Variants in FAM114A1 observed in about 807,000 individuals in gnomAD.
The protein encoded by FAM114A1 is protein NOXP20.
A neutral mutation model predicts 64.3 loss-of-function variants in FAM114A1; 62 were observed. The ratio of observed to expected loss-of-function variants is 0.96; its 90% CI spans 0.79 to 1.19. FAM114A1 has a LOEUF of 1.19. Ranked by LOEUF, FAM114A1 falls within the 50% of genes most tolerant of loss-of-function variation. The pLI is 0.00. For missense variants in FAM114A1, 645 were observed against 676.3 expected (o/e 0.95, Z 0.51); for synonymous variants, 254 against 251.1 (o/e 1.01, Z -0.11).
rs1720659465 is a variant in FAM114A1 at position 38,931,723 on chromosome 4, A to G, written c.1323+111A>G. On this transcript the variant is annotated intron_variant, in intron 11 of 14. Transcript: ENST00000358869. ...ATTTCTTTTTCATTTGTTCCGTGTTATAGAAATATAAGTTTGAGACCAGCC... is the reference window on the plus strand; with the variant it reads ...ATTTCTTTTTCATTTGTTCCGTGTTGTAGAAATATAAGTTTGAGACCAGCC... 19 of 1,196,872 alleles carry G rather than the reference A, an allele frequency of 1.6e-5. No individual in the cohort carries two copies. In the South Asian group the frequency reaches 3.4e-4, roughly 21 times the overall value. 74.1% of individuals were successfully genotyped at this position (1,196,872 alleles called of 1,614,324 possible).
chr4:38,883,346 T>C (rs1462515809), intron 3 of FAM114A1, among the ~76,000 whole-genome samples: 3 of 152,246 alleles, frequency 2.0e-5, no homozygotes, highest in Admixed American at 1.3e-4. Context: ...AAGATGTTTG[T>C]CTTGAGTACT....
chr4:38,924,179 C>G (rs933692289), intron 9 of FAM114A1, among the ~76,000 whole-genome samples: 2 of 152,080 alleles, frequency 1.3e-5, no homozygotes, highest in Non-Finnish European at 2.9e-5. Flanking sequence ...ATATCAGGTT[C>G]AAGAGCTGTT....
intron 9 of FAM114A1, among the ~76,000 whole-genome samples, chr4:38,925,123 C>T (rs544677593): frequency 1.3e-5 from 2 of 152,272 alleles, no homozygotes; most frequent in African/African-American, 4.8e-5. Flanking sequence ...CACATATACA[C>T]ATAGAAAAAC....
chr4:38,872,388 A>G (rs183449829), intron 2 of FAM114A1, among the ~76,000 whole-genome samples: 1 of 152,328 alleles, frequency 6.6e-6, no homozygotes, highest in East Asian at 1.9e-4. Context: ...AGGCATCCAT[A>G]ATGGTTTTTA....
intron 4 of FAM114A1, among the ~76,000 whole-genome samples, chr4:38,903,279 G>A (rs557455874): frequency 3.0e-4 from 45 of 152,248 alleles, no homozygotes; most frequent in African/African-American, 1.0e-3. Context: ...CTGAGATGGC[G>A]AGAAGCCATT....
intron 2 of FAM114A1, among the ~76,000 whole-genome samples, chr4:38,871,107 T>G (rs1426957281): frequency 1.2e-5 from 1 of 81,750 alleles, no homozygotes; most frequent in Non-Finnish European, 2.3e-5. Context: ...TTTTTTTTTT[T>G]GCGACAGGGT....
intron 8 of FAM114A1, 54 bp from the exon 9 acceptor site, chr4:38,922,716 C>T (rs1579383307): frequency 3.2e-6 from 5 of 1,573,452 alleles, no homozygotes; most frequent in Middle Eastern, 1.7e-4. Context: ...TGTGTGTAAA[C>T]GTTATTAACG....
intron 2 of FAM114A1, among the ~76,000 whole-genome samples, chr4:38,873,129 C>T (rs754188895): frequency 6.6e-6 from 1 of 152,190 alleles, no homozygotes; most frequent in African/African-American, 2.4e-5. Flanking sequence ...GAACCTGGCT[C>T]CTTGACAGCC....
intron 9 of FAM114A1, among the ~76,000 whole-genome samples, chr4:38,924,245 A>G (rs955127635): frequency 1.3e-5 from 2 of 152,348 alleles, no homozygotes; most frequent in Non-Finnish European, 2.9e-5. Context: ...TGCCTGGCAC[A>G]CAGAACTGCT....
At chr4:38,891,333 C>T (rs1413742277) in intron 3 of FAM114A1, among the ~76,000 whole-genome samples, 2 of 147,992 alleles carry the variant, frequency 1.4e-5, no homozygotes, top group African/African-American at 5.1e-5. Context: ...TAAAAGTTAA[C>T]TCTACCTTGA....
chr4:38,883,369 C>G (rs1215909456), intron 3 of FAM114A1, among the ~76,000 whole-genome samples: 2 of 152,166 alleles, frequency 1.3e-5, no homozygotes, highest in Non-Finnish European at 2.9e-5. Context: ...TTGGGAGTAA[C>G]ATTTGTTCCC....
chr4:38,931,668 T>C, intron 11 of FAM114A1, 56 bp downstream of exon 11: 1 of 1,501,744 alleles, frequency 6.7e-7, no homozygotes, highest in Non-Finnish European at 8.9e-7. Flanking sequence ...TTCATTTTAT[T>C]AGCAGCTTAA....
At chr4:38,918,045 C>T (rs112051965) in intron 8 of FAM114A1, among the ~76,000 whole-genome samples, 100 of 151,452 alleles carry the variant, frequency 6.6e-4, no homozygotes, top group African/African-American at 2.2e-3. Context: ...GATGAAACCC[C>T]GTCTCTACTA....
intron 8 of FAM114A1, among the ~76,000 whole-genome samples, chr4:38,919,959 A>G (rs1423722618): frequency 1.3e-5 from 2 of 152,260 alleles, no homozygotes; most frequent in East Asian, 3.8e-4. Flanking sequence ...CTGTAATCCC[A>G]GCACTTTGGG....
At chr4:38,886,911 G>C (rs1036161149) in intron 3 of FAM114A1, among the ~76,000 whole-genome samples, 1 of 145,938 alleles carries the variant, frequency 6.9e-6, no homozygotes, top group Non-Finnish European at 1.5e-5. Context: ...CTGGGAGACA[G>C]AGCGAGACTC....
chr4:38,871,034 C>T (rs1285788791), intron 2 of FAM114A1, among the ~76,000 whole-genome samples: 1 of 149,300 alleles, frequency 6.7e-6, no homozygotes, highest in Non-Finnish European at 1.5e-5. Flanking sequence ...GAGATACACA[C>T]AATTAGAAAT....
intron 13 of FAM114A1, among the ~76,000 whole-genome samples, chr4:38,939,640 G>C (rs1721428737): frequency 6.6e-6 from 1 of 152,162 alleles, no homozygotes; most frequent in African/African-American, 2.4e-5. Flanking sequence ...CCTCAGTAGA[G>C]TAACGTCAAT....
At chr4:38,931,695 G>C in intron 11 of FAM114A1, 83 bp downstream of exon 11, 1 of 1,380,362 alleles carries the variant, frequency 7.2e-7, no homozygotes, top group South Asian at 1.6e-5. Context: ...TTGAGGAGAG[G>C]CCATTTCTTT....
intron 9 of FAM114A1, among the ~76,000 whole-genome samples, chr4:38,925,176 C>T (rs148117174): frequency 2.6e-5 from 4 of 152,314 alleles, no homozygotes; most frequent in South Asian, 2.1e-4. Flanking sequence ...AGGTTTGCCT[C>T]GCCTTAATTT....
Sources: allele counts gnomAD v4.1 joint callset (sites outside exome capture counted in the v4.1 genomes callset), GRCh38; gene constraint gnomAD v4.1.1; transcripts MANE v1.5; gene names NCBI Gene and HGNC (gene_info 2026-07-23, HGNC 2026-07-21).